The following GSE1 variants were observed in gnomAD, a reference collection of about 807,000 sequenced individuals.
GSE1 encodes genetic suppressor element 1.
In GSE1, 32 loss-of-function variants were observed where a neutral mutation model predicts 112.6. The observed-to-expected ratio is 0.28, with a 90% CI of 0.21 to 0.38. The LOEUF is 0.38. Among genes scored for constraint, GSE1 ranks in the 10% least tolerant of loss-of-function variants. The probability of loss-of-function intolerance (pLI) is 1.00; values close to 1 mark genes in which losing one functional copy is unlikely to be tolerated. For missense variants in GSE1, 2,348 were observed against 1,699.2 expected (o/e 1.38, Z -6.71); for synonymous variants, 1,115 against 735.6 (o/e 1.52, Z -8.35).
intron 2 of GSE1, among the ~76,000 whole-genome samples, chr16:85,399,155 A>G (rs2048033914): frequency 6.6e-6 from 1 of 152,012 alleles, no homozygotes; most frequent in Admixed American, 6.5e-5. Flanking sequence ...GTGTGTCTGT[A>G]TTGTGTGCAT....
exon 1 of GSE1, chr16:85,170,218 C>T (rs2074336905): frequency 2.3e-5 from 23 of 985,186 alleles, no homozygotes; most frequent in Admixed American, 6.2e-5. Context: ...GGCGCAGGGG[C>T]GCGCGGAGGA....
At chr16:85,562,248 C>T (rs1006599578) in intron 1 of GSE1, among the ~76,000 whole-genome samples, 1 of 152,228 alleles carries the variant, frequency 6.6e-6, no homozygotes, top group African/African-American at 2.4e-5. Context: ...TTCCGATACC[C>T]CTGAGAGATG....
At chr16:85,391,285 C>T (rs1040396388) in intron 2 of GSE1, among the ~76,000 whole-genome samples, 1 of 152,238 alleles carries the variant, frequency 6.6e-6, no homozygotes, top group Non-Finnish European at 1.5e-5. Flanking sequence ...CCCGAAGAAG[C>T]AGGCATTTTT....
At chr16:85,235,851 T>A (rs886592074) in intron 1 of GSE1, among the ~76,000 whole-genome samples, 7 of 151,988 alleles carry the variant, frequency 4.6e-5, no homozygotes, top group Non-Finnish European at 8.8e-5. Context: ...CCGGGGCAGC[T>A]GTTCGCGATG....
intron 2 of GSE1, among the ~76,000 whole-genome samples, chr16:85,509,282 G>C (rs536827782): frequency 1.3e-5 from 2 of 152,208 alleles, no homozygotes; most frequent in Admixed American, 6.5e-5. Context: ...CAAGAGTCCT[G>C]GTCGTGGGAA....
In GSE1 at chr16:85,666,062, C is replaced by T; in HGVS notation, c.2845C>T (p.Pro949Ser). The change falls in exon 13 of 16, where the codon CCT (proline) becomes TCT (serine). Residue 949 changes from proline to serine, a missense_variant. Pro to Ser is a moderately conservative substitution (Grantham distance 74). Transcript: ENST00000253458. ...GTCTGACATCCCAAAGGCCGCGGAG[C>T]CTGGGAAGCTGGAACAGGTCCGGCC... Reference protein sequence around the residue: ...SLSDIPKAAEPGKLEQVRPQE... With the variant: ...SLSDIPKAAESGKLEQVRPQE... 1.9e-6 allele frequency: 3 copies of T among 1,613,534 alleles called. No individual in the cohort carries two copies. The highest frequency in any genetic ancestry group is 2.2e-5 in the East Asian group (1 of 44,884).
intron 1 of GSE1, among the ~76,000 whole-genome samples, chr16:85,290,792 G>A (rs1376780568): frequency 2.6e-5 from 4 of 151,718 alleles, no homozygotes; most frequent in African/African-American, 9.7e-5. Flanking sequence ...CTGACCAGAT[G>A]GCCGGCCAGT....
At chr16:85,372,900 G>A (rs965335122) in intron 2 of GSE1, among the ~76,000 whole-genome samples, 2 of 152,214 alleles carry the variant, frequency 1.3e-5, no homozygotes, top group African/African-American at 4.8e-5. Flanking sequence ...AAAGTGACTT[G>A]CTGACGGTCG....
At chr16:85,458,928 C>A (rs1362752567) in intron 2 of GSE1, among the ~76,000 whole-genome samples, 1 of 152,148 alleles carries the variant, frequency 6.6e-6, no homozygotes, top group Non-Finnish European at 1.5e-5. Flanking sequence ...ACCTATCTCC[C>A]TGCTCTGGAT....
At chr16:85,667,966 A>AC (rs11268657) in intron 13 of GSE1, among the ~76,000 whole-genome samples, 174 bp from the exon 14 acceptor site, 1 of 151,570 alleles carries the variant, frequency 6.6e-6, no homozygotes, top group Non-Finnish European at 1.5e-5. Context: ...GGACTTTCTC[A>AC]AGTGGCCCAG....
In GSE1 at chr16:85,657,381, G is replaced by A; in HGVS notation, c.1417G>A (p.Gly473Ser). The change falls in exon 8 of 16, where the codon GGC (glycine) becomes AGC (serine). Residue 473 changes from glycine (G) to serine (S), a missense_variant. Coordinates refer to ENST00000253458, the MANE Select transcript of GSE1 (RefSeq NM_014615.5). Reference sequence around the variant, plus strand: ...GGTGCCCAGCCTCATCTCCAACCATGGCATCTTCTCTCTGCCTAGCAGCAG... The same window carrying A: ...GGTGCCCAGCCTCATCTCCAACCATAGCATCTTCTCTCTGCCTAGCAGCAG... The part of the protein sequence containing the change: ...HTVPSLISNH[G>S]IFSLPSSSAA... 3 of 1,612,482 alleles carry A rather than the reference G, an allele frequency of 1.9e-6. No individual in the cohort carries two copies. The highest frequency in any genetic ancestry group is 2.5e-6 in the Non-Finnish European group (3 of 1,179,824).
At chr16:85,638,801 C>T (rs1391949535) in intron 2 of GSE1, among the ~76,000 whole-genome samples, 1 of 150,856 alleles carries the variant, frequency 6.6e-6, no homozygotes, top group Non-Finnish European at 1.5e-5. Context: ...TGACCCCCAT[C>T]ATCTGCCCTG....
At chr16:85,460,499 C>G (rs2049941851) in intron 2 of GSE1, among the ~76,000 whole-genome samples, 1 of 152,218 alleles carries the variant, frequency 6.6e-6, no homozygotes, top group South Asian at 2.1e-4. Context: ...AAGCACTTGG[C>G]AAAATGTAAG....
intron 2 of GSE1, among the ~76,000 whole-genome samples, chr16:85,634,923 G>A (rs890768922): frequency 6.6e-6 from 1 of 152,166 alleles, no homozygotes; most frequent in South Asian, 2.1e-4. Flanking sequence ...TTCTGGCCTC[G>A]GACACCCTCT....
rs560814983 is a variant in GSE1 at position 85,403,164 on chromosome 16, C to T, written c.2464+45521C>T. Among the ~76,000 whole-genome samples the T allele has an allele frequency of 3.3e-5, 5 of 152,246 alleles. No individual in the cohort carries two copies. The East Asian group carries it at 5.8e-4, about 18-fold the overall frequency. On this transcript the variant is annotated intron_variant, in intron 2 of 2. Transcript: ENST00000637419. The stretch of plus-strand genomic sequence containing the variant: ...CTTGCCGGATGCTGGCTGGAAGCCA[C>T]GCTGAGCTCACCACAGGGATCCTGT...
In GSE1 at chr16:85,311,113, C is replaced by T. The variant is rs770251280; in HGVS notation, c.2284-46350C>T. On this transcript the variant is annotated intron_variant, in intron 1 of 2. Coordinates refer to the GSE1 transcript ENST00000637419. This position sits in a 1 kb window ranked among gnomAD's most constrained non-coding sequence, Gnocchi z 4.2. ...CAGGGCATCTGACAGCCGTGGAGGACGGCAGAGGGGAGGGCAGCCTGCTCC... is the reference window on the plus strand; with the variant it reads ...CAGGGCATCTGACAGCCGTGGAGGATGGCAGAGGGGAGGGCAGCCTGCTCC... Among the ~76,000 whole-genome samples, 7 of 152,210 alleles carry T rather than the reference C, an allele frequency of 4.6e-5. No homozygotes were observed. Among genetic ancestry groups the T allele is most frequent in the Admixed American group, 6.5e-5 (1 of 15,286 alleles).
chr16:85,296,894 G>A (rs1212553419), intron 1 of GSE1, among the ~76,000 whole-genome samples: 1 of 149,918 alleles, frequency 6.7e-6, no homozygotes, highest in Non-Finnish European at 1.5e-5. Context: ...GGGCGGGGGT[G>A]GGGTCTGAAC....
Position 85,676,140 on chromosome 16 carries a change from A to G in GSE1, c.*3601A>G, listed in dbSNP as rs2053661588. The G allele has an allele frequency of 6.5e-6, 1 of 152,698 alleles. No individual in the cohort carries two copies. Among genetic ancestry groups the G allele is most frequent in the Admixed American group, 6.5e-5 (1 of 15,288 alleles). 9.5% of individuals were successfully genotyped at this position (152,698 alleles called of 1,614,324 possible). A position where few individuals can be genotyped will look rare whatever the true frequency, so the allele number is the denominator to read the frequency against. ...TATTTGTTGAATGTAGTAATTAGGT[A>G]TTTATGAATATATTGCTGTAATTTC... On this transcript the variant is annotated 3_prime_UTR_variant, in exon 16 of 16. Coordinates refer to ENST00000253458, the MANE Select transcript of GSE1 (RefSeq NM_014615.5).
chr16:85,284,170 G>A (rs563602095), intron 1 of GSE1, among the ~76,000 whole-genome samples: 23 of 152,320 alleles, frequency 1.5e-4, no homozygotes, highest in African/African-American at 5.3e-4. Context: ...CCGGCGGGTC[G>A]GGAGGCCGGG....
Sources: allele counts gnomAD v4.1 joint callset (sites outside exome capture counted in the v4.1 genomes callset), GRCh38; gene constraint gnomAD v4.1.1; non-coding constraint Gnocchi (gnomAD v3.1); transcripts MANE v1.5; gene names NCBI Gene and HGNC (gene_info 2026-07-23, HGNC 2026-07-21).